UNC5B: variants seen among roughly 807,000 people sequenced by gnomAD.
UNC5B encodes netrin receptor UNC5B.
UNC5B carries 56 observed loss-of-function variants against 103.7 expected under a neutral mutation model. That is an observed-to-expected ratio of 0.54 (90% CI 0.44 to 0.67). The LOEUF (loss-of-function observed/expected upper bound fraction) is 0.67, where lower values mean the gene tolerates loss of function less well. UNC5B is among the 30% of genes least tolerant of loss of function. The pLI, the probability that UNC5B is intolerant of heterozygous loss-of-function variation, is 0.00. For missense variants in UNC5B, 1,194 were observed against 1,284.5 expected, an observed-to-expected ratio of 0.93 and a Z score of 1.08; for synonymous variants, 577 against 542.0, an observed-to-expected ratio of 1.06 and a Z score of -0.90.
intron 1 of UNC5B, among the ~76,000 whole-genome samples, chr10:71,234,566 T>G (rs1258066890): frequency 1.3e-5 from 2 of 152,202 alleles, no homozygotes; most frequent in African/African-American, 4.8e-5. Flanking sequence ...AGGGAGCCCC[T>G]GGGGTGGGAA....
intron 1 of UNC5B, among the ~76,000 whole-genome samples, chr10:71,265,875 C>T (rs1844512369): frequency 6.6e-6 from 1 of 152,186 alleles, no homozygotes; most frequent in Non-Finnish European, 1.5e-5. Context: ...GGCCACATGC[C>T]TTAGTGTGAT....
chr10:71,286,604 G>A lies in UNC5B; in HGVS notation c.553-85G>A, dbSNP rs192438622. ...CCTGCCTCACTGCCACGACTATGGC[G>A]TGGACCCAGGTAGAACTGCCCTTCT... On this transcript the variant is annotated intron_variant, in intron 4 of 16. Transcript: ENST00000335350. 1.5e-4 allele frequency: 228 copies of A among 1,537,298 alleles called. 1 individual carries two copies. Among genetic ancestry groups the A allele is most frequent in the Admixed American group, 1.2e-3 (70 of 58,096 alleles).
intron 1 of UNC5B, among the ~76,000 whole-genome samples, chr10:71,246,453 C>T (rs1844040239): frequency 6.6e-6 from 1 of 152,100 alleles, no homozygotes; most frequent in Non-Finnish European, 1.5e-5. Flanking sequence ...GGGAAGCACC[C>T]TGTGGGCTCT....
At chr10:71,225,141 A>G (rs1239977659) in intron 1 of UNC5B, among the ~76,000 whole-genome samples, 1 of 152,198 alleles carries the variant, frequency 6.6e-6, no homozygotes, top group Non-Finnish European at 1.5e-5. Context: ...GTGATACGCA[A>G]ATCTCACCCA....
chr10:71,262,715 A>G (rs547790052), intron 1 of UNC5B, among the ~76,000 whole-genome samples: 4 of 152,282 alleles, frequency 2.6e-5, no homozygotes, highest in South Asian at 2.1e-4. Context: ...GGCCACCATC[A>G]TGAGCCTTGA....
chr10:71,219,514 T>C (rs1365767256), intron 1 of UNC5B, among the ~76,000 whole-genome samples: 1 of 152,208 alleles, frequency 6.6e-6, no homozygotes, highest in Non-Finnish European at 1.5e-5. Context: ...CTAGCCCTGC[T>C]GGCAGCTGAT....
At chr10:71,250,681 G>A (rs1844153010) in intron 1 of UNC5B, among the ~76,000 whole-genome samples, 1 of 152,170 alleles carries the variant, frequency 6.6e-6, no homozygotes, top group Non-Finnish European at 1.5e-5. Context: ...TCTCAGGCTG[G>A]GCACATGCCA....
intron 3 of UNC5B, 130 bp downstream of exon 3, chr10:71,284,993 T>A (rs1731995872): frequency 4.5e-6 from 6 of 1,337,290 alleles, no homozygotes; most frequent in Non-Finnish European, 5.0e-6. Flanking sequence ...GGCAGAGACA[T>A]CCCAGCACAT....
intron 3 of UNC5B, 110 bp from the exon 4 acceptor site, chr10:71,285,216 C>A: frequency 1.8e-6 from 2 of 1,133,034 alleles, no homozygotes; most frequent in Non-Finnish European, 2.6e-6. Flanking sequence ...CCAGGTGGGC[C>A]CATCAACAGT....
intron 2 of UNC5B, among the ~76,000 whole-genome samples, chr10:71,284,089 G>A (rs1010725957): frequency 5.3e-5 from 8 of 152,228 alleles, no homozygotes; most frequent in Admixed American, 2.6e-4. Context: ...GGGTAGGGGA[G>A]TGACTGCTGC....
chr10:71,298,178 C>T (rs1011268055), intron 16 of UNC5B, 88 bp downstream of exon 16: 146 of 1,449,198 alleles, frequency 1.0e-4, no homozygotes, highest in Admixed American at 3.9e-4. Flanking sequence ...CTGACAGCCA[C>T]GACCATCTCC....
rs533101103 is a variant in UNC5B, at chr10:71,258,372, A to G, written c.80-21449A>G. On this transcript the variant is annotated intron_variant, in intron 1 of 16. Coordinates refer to ENST00000335350, the MANE Select transcript of UNC5B (RefSeq NM_170744.5). ...CACCTGCTGGCCAAGTCCAGGACAGAAAGAGAGGGCTCACAAATTGGGAGA... is the reference window on the plus strand; with the variant it reads ...CACCTGCTGGCCAAGTCCAGGACAGGAAGAGAGGGCTCACAAATTGGGAGA... Among the ~76,000 whole-genome samples the G allele has an allele frequency of 2.0e-5, 3 of 152,294 alleles. No homozygotes were observed. In the South Asian group the frequency reaches 6.2e-4, roughly 32 times the overall value.
At chr10:71,221,329 C>G (rs143956220) in intron 1 of UNC5B, among the ~76,000 whole-genome samples, 3 of 152,206 alleles carry the variant, frequency 2.0e-5, no homozygotes, top group South Asian at 2.1e-4. Context: ...TGTGGTCCCC[C>G]CCCTTGTCAC....
intron 1 of UNC5B, among the ~76,000 whole-genome samples, chr10:71,272,505 T>A (rs893565862): frequency 1.3e-5 from 2 of 152,142 alleles, no homozygotes; most frequent in African/African-American, 4.8e-5. Flanking sequence ...CCGGCTGAGA[T>A]GGATAGCAGG....
At chr10:71,236,460 C>T (rs566535166) in intron 1 of UNC5B, among the ~76,000 whole-genome samples, 2 of 152,272 alleles carry the variant, frequency 1.3e-5, no homozygotes, top group African/African-American at 2.4e-5. Context: ...TGGTGTGGGC[C>T]GGATTCCTGA....
intron 1 of UNC5B, among the ~76,000 whole-genome samples, chr10:71,266,919 G>A (rs1486829628): frequency 6.6e-6 from 1 of 152,118 alleles, no homozygotes; most frequent in Non-Finnish European, 1.5e-5. Context: ...ATCCTGCCCA[G>A]GATGTGAACC....
At chr10:71,216,819 G>A (rs959689749) in intron 1 of UNC5B, among the ~76,000 whole-genome samples, 1 of 152,202 alleles carries the variant, frequency 6.6e-6, no homozygotes, top group African/African-American at 2.4e-5. Flanking sequence ...GATGGGCTGG[G>A]GGGAGATGGA....
intron 1 of UNC5B, among the ~76,000 whole-genome samples, chr10:71,237,010 G>A (rs912880623): frequency 1.3e-5 from 2 of 152,240 alleles, no homozygotes; most frequent in Admixed American, 1.3e-4. Flanking sequence ...CCTGGAGGAG[G>A]TGGAGGTGTA....
At chr10:71,233,993 C>T (rs1843729107) in intron 1 of UNC5B, among the ~76,000 whole-genome samples, 1 of 152,240 alleles carries the variant, frequency 6.6e-6, no homozygotes, top group South Asian at 2.1e-4. Flanking sequence ...GCTTCTCTGC[C>T]TGATGAGTGT....
Sources: gnomAD v4.1 joint callset for allele counts (sites outside exome capture counted in the v4.1 genomes callset) on GRCh38, gnomAD v4.1.1 for gene constraint, MANE v1.5 for transcripts, NCBI Gene and HGNC (gene_info 2026-07-23, HGNC 2026-07-21) for gene names.